The following ZNF385D variants were observed in gnomAD, a reference collection of about 807,000 sequenced individuals.
ZNF385D encodes zinc finger protein 659.
A neutral mutation model predicts 35.8 loss-of-function variants in ZNF385D; 15 were observed. The ratio of observed to expected loss-of-function variants is 0.42; its 90% CI spans 0.28 to 0.64. The LOEUF is 0.64. Ranked by LOEUF, ZNF385D falls within the 30% of genes least tolerant of loss-of-function variation. The pLI, the probability that ZNF385D is intolerant of heterozygous loss-of-function variation, is 0.23. For synonymous variants in ZNF385D, 212 were observed against 186.8 expected, an observed-to-expected ratio of 1.13 and a Z score of -1.10; for missense variants, 474 against 494.6, an observed-to-expected ratio of 0.96 and a Z score of 0.39.
chr3:21,744,847 TA>T (rs140473450), intron 1 of ZNF385D, among the ~76,000 whole-genome samples: 42,496 of 150,884 alleles, frequency 0.28, 6,789 homozygotes, highest in Middle Eastern at 0.46. Flanking sequence ...GGACTTGGGT[TA>T]AAAAAAATAA....
At chr3:22,236,760 A>G (rs1371886164) in intron 2 of ZNF385D, among the ~76,000 whole-genome samples, 1 of 152,104 alleles carries the variant, frequency 6.6e-6, no homozygotes, top group East Asian at 1.9e-4. Context: ...TTCTGTCTCT[A>G]TAGATTGGTT....
intron 3 of ZNF385D, among the ~76,000 whole-genome samples, chr3:22,107,635 C>T (rs1702297174): frequency 6.6e-6 from 1 of 151,930 alleles, no homozygotes; most frequent in South Asian, 2.1e-4. Context: ...GGAAAATATA[C>T]AAAAATATGC....
chr3:21,538,187 A>T (rs1200152757), intron 3 of ZNF385D, among the ~76,000 whole-genome samples: 1 of 152,030 alleles, frequency 6.6e-6, no homozygotes, highest in Non-Finnish European at 1.5e-5. Flanking sequence ...AGTTTTAGGT[A>T]TGAGGAATCT....
At chr3:22,089,755 T>C (rs1264777800) in intron 3 of ZNF385D, among the ~76,000 whole-genome samples, 1 of 152,198 alleles carries the variant, frequency 6.6e-6, no homozygotes, top group Non-Finnish European at 1.5e-5. Context: ...TTCCTGTATA[T>C]GCTGTTCTTA....
At chr3:21,876,394 T>C (rs1281278104) in intron 3 of ZNF385D, among the ~76,000 whole-genome samples, 1 of 151,622 alleles carries the variant, frequency 6.6e-6, no homozygotes, top group Non-Finnish European at 1.5e-5. Flanking sequence ...AGAGAGCCAC[T>C]GACTGCCTGT....
intron 2 of ZNF385D, among the ~76,000 whole-genome samples, chr3:21,590,743 T>C (rs1398072275): frequency 6.6e-6 from 1 of 152,082 alleles, no homozygotes; most frequent in African/African-American, 2.4e-5. Flanking sequence ...CTATAATAGC[T>C]GTCTAACGCT....
chr3:22,275,726 G>A (rs1429205300), intron 2 of ZNF385D, among the ~76,000 whole-genome samples: 1 of 152,102 alleles, frequency 6.6e-6, no homozygotes, highest in East Asian at 1.9e-4. Context: ...TGTCAAAAGA[G>A]TTTCATGGCA....
chr3:21,822,032 A>T (rs1694272665), intron 3 of ZNF385D, among the ~76,000 whole-genome samples: 1 of 151,942 alleles, frequency 6.6e-6, no homozygotes. Flanking sequence ...CAAAAGGAGC[A>T]ATCCAATATT....
intron 4 of ZNF385D, among the ~76,000 whole-genome samples, chr3:21,461,274 T>G (rs544574): frequency 0.97 from 147,333 of 152,250 alleles, 71,330 homozygotes; most frequent in East Asian, 1. Flanking sequence ...CTTTGAGGCC[T>G]GGCACAGTGG....
At chr3:22,012,197 G>A (rs1160838593) in intron 3 of ZNF385D, among the ~76,000 whole-genome samples, 1 of 152,096 alleles carries the variant, frequency 6.6e-6, no homozygotes, top group African/African-American at 2.4e-5. Flanking sequence ...ATTCTTGAGA[G>A]GATATATGAC....
intron 3 of ZNF385D, among the ~76,000 whole-genome samples, chr3:21,822,778 A>C (rs9833498): frequency 0.12 from 17,935 of 151,806 alleles, 1,717 homozygotes; most frequent in East Asian, 0.32. Flanking sequence ...ATTCATCAAC[A>C]TAAATAAATC....
At chr3:22,199,246 T>G (rs538530125) in intron 2 of ZNF385D, among the ~76,000 whole-genome samples, 1 of 152,102 alleles carries the variant, frequency 6.6e-6, no homozygotes, top group Non-Finnish European at 1.5e-5. Context: ...TAAGCTATAA[T>G]TGTCTGCCCA....
intron 4 of ZNF385D, among the ~76,000 whole-genome samples, chr3:21,505,180 ATTTG>A (rs1456825049): frequency 2.0e-5 from 3 of 152,006 alleles, no homozygotes; most frequent in Non-Finnish European, 4.4e-5. Context: ...GGTTTTTTTC[ATTTG>A]TTTGTTTGTT....
chr3:22,290,162 G>A (rs1276803536), intron 2 of ZNF385D, among the ~76,000 whole-genome samples: 2 of 152,144 alleles, frequency 1.3e-5, no homozygotes, highest in African/African-American at 4.8e-5. Flanking sequence ...GAAACTTAGA[G>A]TGCTACATGT....
At chr3:22,141,202 C>T (rs968147200) in intron 3 of ZNF385D, among the ~76,000 whole-genome samples, 8 of 151,810 alleles carry the variant, frequency 5.3e-5, no homozygotes, top group African/African-American at 1.7e-4. Context: ...TCTTGGATGC[C>T]GAATGTACAA....
At chr3:22,239,174 A>G (rs1699352569) in intron 2 of ZNF385D, among the ~76,000 whole-genome samples, 1 of 151,162 alleles carries the variant, frequency 6.6e-6, no homozygotes, top group African/African-American at 2.4e-5. Flanking sequence ...TTTTTCTAGA[A>G]CAAGAGTTGG....
chr3:21,802,728 G>A (rs2072463216), intron 3 of ZNF385D, among the ~76,000 whole-genome samples: 1 of 152,138 alleles, frequency 6.6e-6, no homozygotes, highest in African/African-American at 2.4e-5. Context: ...TTGGCAGTTA[G>A]TCTCTGAGCC....
At chr3:21,932,773 C>A (rs555313835) in intron 3 of ZNF385D, among the ~76,000 whole-genome samples, 1 of 151,948 alleles carries the variant, frequency 6.6e-6, no homozygotes, top group South Asian at 2.1e-4. Context: ...CATATTTGTC[C>A]CAGAAAGTGC....
At chr3:22,257,753 A>T (rs188752047) in intron 2 of ZNF385D, among the ~76,000 whole-genome samples, 1 of 151,794 alleles carries the variant, frequency 6.6e-6, no homozygotes, top group Non-Finnish European at 1.5e-5. Context: ...TCAAATGCAA[A>T]TAAGTAGGGT....
Sources: allele counts gnomAD v4.1 joint callset (sites outside exome capture counted in the v4.1 genomes callset), GRCh38; gene constraint gnomAD v4.1.1; transcripts MANE v1.5; gene names NCBI Gene and HGNC (gene_info 2026-07-23, HGNC 2026-07-21).